The following FGF12 variants were observed in gnomAD, a reference collection of about 807,000 sequenced individuals.
FGF12 encodes fibroblast growth factor 12B.
FGF12 carries 14 observed loss-of-function variants against 23.6 expected under a neutral mutation model. The observed-to-expected ratio is 0.59, with a 90% CI of 0.39 to 0.93. The LOEUF (loss-of-function observed/expected upper bound fraction) is 0.93, where lower values mean the gene tolerates loss of function less well. FGF12 is among the 40% of genes least tolerant of loss of function. The pLI is 0.00. For synonymous variants in FGF12, 62 were observed against 77.3 expected (o/e 0.80, Z 1.04); for missense variants, 175 against 217.8 (o/e 0.80, Z 1.24).
chr3:192,583,519 T>C (rs914020664), intron 2 of FGF12, among the ~76,000 whole-genome samples: 2 of 152,192 alleles, frequency 1.3e-5, no homozygotes, highest in South Asian at 2.1e-4. Context: ...AAGACTTGGA[T>C]ATTAAGTCAC....
At chr3:192,233,539 T>A (rs528023479) in intron 4 of FGF12, among the ~76,000 whole-genome samples, 3 of 152,338 alleles carry the variant, frequency 2.0e-5, no homozygotes, top group African/African-American at 7.2e-5. Context: ...ATGCAGAAGA[T>A]CTTTAGTTTA....
chr3:192,231,598 C>A (rs1719024127), intron 4 of FGF12, among the ~76,000 whole-genome samples: 2 of 152,000 alleles, frequency 1.3e-5, no homozygotes, highest in South Asian at 4.2e-4. Flanking sequence ...GGTGAAACCC[C>A]ATCTCTACTA....
intron 4 of FGF12, among the ~76,000 whole-genome samples, chr3:192,260,705 A>G (rs765383910): frequency 6.6e-6 from 1 of 152,162 alleles, no homozygotes; most frequent in Non-Finnish European, 1.5e-5. Context: ...CTGTGTTGTA[A>G]GTCCCCTTTC....
At chr3:192,490,833 C>T (rs1032417080) in intron 2 of FGF12, among the ~76,000 whole-genome samples, 3 of 152,080 alleles carry the variant, frequency 2.0e-5, no homozygotes, top group Non-Finnish European at 4.4e-5. Flanking sequence ...TTCAAACAGG[C>T]ACCTAATCGA....
intron 4 of FGF12, among the ~76,000 whole-genome samples, chr3:192,304,201 G>T (rs1342627754): frequency 6.6e-6 from 1 of 152,134 alleles, no homozygotes; most frequent in African/African-American, 2.4e-5. Context: ...AAAAACACAT[G>T]TATCCAAGGG....
chr3:192,498,802 A>G lies in FGF12; in HGVS notation c.14-138264T>C, dbSNP rs191097522. On this transcript the variant is annotated intron_variant, in intron 2 of 5. Transcript: ENST00000445105. ...TGGTAACTGGTGAAACCCTTAAAAC[A>G]AGTTTAAATCAATAAAATGCATTAA... Among the ~76,000 whole-genome samples the G allele has an allele frequency of 4.5e-3, 692 of 152,330 alleles. 4 individuals are homozygous for G. The highest frequency in any genetic ancestry group is 7.2e-3 in the Non-Finnish European group (488 of 68,024).
intron 2 of FGF12, among the ~76,000 whole-genome samples, chr3:192,661,954 A>G (rs1313051036): frequency 1.3e-5 from 2 of 152,166 alleles, no homozygotes; most frequent in Non-Finnish European, 2.9e-5. Flanking sequence ...ATAAAATTCT[A>G]CTTCAAGAAG....
rs1713378664 is a variant in FGF12, at chr3:192,141,411, T to C, written c.*2598A>G. On this transcript the variant is annotated 3_prime_UTR_variant, in exon 6 of 6. Coordinates refer to ENST00000445105, the MANE Select transcript of FGF12 (RefSeq NM_004113.6). Reference sequence around the variant, plus strand: ...CAGGAGTTAAGCAAACATTCACCCTTTGCTCTAAGCTACATTTTTTGTCAG... The same window carrying C: ...CAGGAGTTAAGCAAACATTCACCCTCTGCTCTAAGCTACATTTTTTGTCAG... 6.6e-6 allele frequency: 1 copy of C among 151,992 alleles called. No individual in the cohort carries two copies. Among genetic ancestry groups the C allele is most frequent in the South Asian group, 2.1e-4 (1 of 4,828 alleles). 9.4% of individuals were successfully genotyped at this position (151,992 alleles called of 1,614,324 possible).
intron 5 of FGF12, among the ~76,000 whole-genome samples, chr3:192,168,253 CAAT>C (rs1234641226): frequency 1.3e-5 from 2 of 152,018 alleles, no homozygotes; most frequent in African/African-American, 4.8e-5. Flanking sequence ...AAAAATGATG[CAAT>C]AATTAAGAGC....
intron 2 of FGF12, among the ~76,000 whole-genome samples, chr3:192,547,282 C>T (rs1258461221): frequency 6.6e-6 from 1 of 152,164 alleles, no homozygotes; most frequent in African/African-American, 2.4e-5. Context: ...TATCCATCAG[C>T]ATCTGACTCA....
chr3:192,362,547 GC>G (rs944383973), intron 2 of FGF12, among the ~76,000 whole-genome samples: 4 of 152,088 alleles, frequency 2.6e-5, no homozygotes, highest in Non-Finnish European at 5.9e-5. Context: ...TGGCTACCTG[GC>G]TGACAGGCAG....
chr3:192,445,183 G>T (rs912174562), intron 2 of FGF12, among the ~76,000 whole-genome samples: 1 of 152,202 alleles, frequency 6.6e-6, no homozygotes, highest in Non-Finnish European at 1.5e-5. Context: ...AATTCACAGA[G>T]GAGTGTGATT....
intron 2 of FGF12, among the ~76,000 whole-genome samples, chr3:192,725,865 A>G (rs1319968635): frequency 1.3e-5 from 2 of 152,204 alleles, no homozygotes; most frequent in Non-Finnish European, 2.9e-5. Context: ...AGAGTTAATA[A>G]TATATGCCTC....
intron 2 of FGF12, among the ~76,000 whole-genome samples, chr3:192,424,059 G>A (rs749993913): frequency 1.9e-4 from 29 of 149,904 alleles, no homozygotes; most frequent in South Asian, 8.6e-4. Flanking sequence ...TTTGTTTCAC[G>A]TCAGATCAAA....
At chr3:192,437,540 C>T (rs1010475125) in intron 2 of FGF12, among the ~76,000 whole-genome samples, 3 of 151,848 alleles carry the variant, frequency 2.0e-5, no homozygotes, top group Non-Finnish European at 4.4e-5. Context: ...AAAATACAAA[C>T]CATTAGCCGG....
At chr3:192,696,340 T>C (rs1165908814) in intron 2 of FGF12, among the ~76,000 whole-genome samples, 2 of 152,110 alleles carry the variant, frequency 1.3e-5, no homozygotes, top group African/African-American at 4.8e-5. Context: ...GCAATTCTTA[T>C]CAGATTCACT....
At chr3:192,589,422 C>T (rs1411610859) in intron 2 of FGF12, among the ~76,000 whole-genome samples, 1 of 151,582 alleles carries the variant, frequency 6.6e-6, no homozygotes, top group Non-Finnish European at 1.5e-5. Flanking sequence ...GCAGGTTGTG[C>T]TAAATTGTCA....
chr3:192,662,442 T>C (rs1382354763), intron 2 of FGF12, among the ~76,000 whole-genome samples: 14 of 152,160 alleles, frequency 9.2e-5, no homozygotes, highest in Admixed American at 6.5e-4. Context: ...CAATTCAACC[T>C]CTAAAATGCT....
At chr3:192,220,783 A>G (rs908563357) in intron 4 of FGF12, among the ~76,000 whole-genome samples, 1 of 152,208 alleles carries the variant, frequency 6.6e-6, no homozygotes, top group African/African-American at 2.4e-5. Context: ...GGGTATAAAT[A>G]TGTTTTTTAA....
Sources: gnomAD v4.1 joint callset for allele counts (sites outside exome capture counted in the v4.1 genomes callset) on GRCh38, gnomAD v4.1.1 for gene constraint, MANE v1.5 for transcripts, NCBI Gene and HGNC (gene_info 2026-07-23, HGNC 2026-07-21) for gene names.